DOK6: variants seen among roughly 807,000 people sequenced by gnomAD.
The protein encoded by DOK6 is downstream of tyrosine kinase 6.
In DOK6, 22 loss-of-function variants were observed where a neutral mutation model predicts 44.0. The observed-to-expected ratio is 0.50, with a 90% CI of 0.36 to 0.71. The LOEUF is 0.71. Ranked by LOEUF, DOK6 falls within the 30% of genes least tolerant of loss-of-function variation. The pLI is 0.00. For missense variants in DOK6, 340 were observed against 416.4 expected, an observed-to-expected ratio of 0.82 and a Z score of 1.60; for synonymous variants, 166 against 145.5, an observed-to-expected ratio of 1.14 and a Z score of -1.01.
rs770017828 is a variant in DOK6, at chr18:69,698,507, T to C, written c.513T>C (p.Asn171=). 6.2e-6 allele frequency: 10 copies of C among 1,614,122 alleles called. No homozygotes were observed. In the Admixed American group the frequency reaches 1.7e-4, roughly 27 times the overall value. ...HENIYLWDIH[N]AKVKLVMWPL... ...ATATCTATCTCTGGGATATCCACAA[T>C]GCCAAGGTCAAACTGGTGATGTGGC... Residue 171 remains asparagine, a synonymous_variant, in exon 5 of 8, where the codon AAT becomes AAC. Coordinates refer to ENST00000382713, the MANE Select transcript of DOK6 (RefSeq NM_152721.6).
At chr18:69,537,426 C>T (rs1032631004) in intron 1 of DOK6, among the ~76,000 whole-genome samples, 2 of 152,124 alleles carry the variant, frequency 1.3e-5, no homozygotes, top group Non-Finnish European at 2.9e-5. Context: ...TATTTGTATG[C>T]TGGTCTGCCC....
chr18:69,651,482 C>CTTTTT, intron 3 of DOK6, among the ~76,000 whole-genome samples: 1 of 116,932 alleles, frequency 8.6e-6, no homozygotes, highest in Non-Finnish European at 1.7e-5. Flanking sequence ...CCCCCCGCTC[C>CTTTTT]TTTTTTTTTT....
intron 3 of DOK6, among the ~76,000 whole-genome samples, chr18:69,656,799 T>C (rs1447339711): frequency 6.6e-6 from 1 of 152,190 alleles, no homozygotes; most frequent in Non-Finnish European, 1.5e-5. Context: ...AATTGATAAC[T>C]GCAGAAGAGT....
At chr18:69,750,373 A>C (rs995682364) in intron 6 of DOK6, among the ~76,000 whole-genome samples, 1 of 152,160 alleles carries the variant, frequency 6.6e-6, no homozygotes. Context: ...GAATTAAATA[A>C]AATACCACTT....
rs897174872 is a variant in DOK6, at chr18:69,566,308, TTG to T, written c.174+1718_174+1719del. Among the ~76,000 whole-genome samples the T allele has an allele frequency of 1.6e-3, 242 of 152,146 alleles. 2 individuals are homozygous for T. Among genetic ancestry groups the T allele is most frequent in the Non-Finnish European group, 2.9e-3 (194 of 67,994 alleles). ...CCCGCCACTGCACCCAGCTAATTTT[TTG>T]TGTTTTTAGTAGAGACGGGATTTCA... On this transcript the variant is annotated intron_variant, in intron 2 of 7. Transcript: ENST00000382713.
chr18:69,732,364 C>A, intron 5 of DOK6, among the ~76,000 whole-genome samples: 1 of 152,018 alleles, frequency 6.6e-6, no homozygotes, highest in Non-Finnish European at 1.5e-5. Context: ...AACATGTAAC[C>A]ATATAATAAG....
intron 5 of DOK6, among the ~76,000 whole-genome samples, chr18:69,738,046 A>G (rs2144736989): frequency 6.6e-6 from 1 of 152,324 alleles, no homozygotes; most frequent in South Asian, 2.1e-4. Flanking sequence ...TGTGAATTTT[A>G]TTAAGATCTC....
At chr18:69,783,123 C>T (rs1198764578) in intron 7 of DOK6, among the ~76,000 whole-genome samples, 1 of 152,210 alleles carries the variant, frequency 6.6e-6, no homozygotes, top group Non-Finnish European at 1.5e-5. Flanking sequence ...AAAGTACTCT[C>T]ACCCACCAGG....
At position 69,420,202 on chromosome 18, in the gene DOK6, A is replaced by C. The variant is rs146096617; in HGVS notation, c.66+18892A>C. Among the ~76,000 whole-genome samples the C allele has an allele frequency of 3.6e-3, 548 of 152,238 alleles. 4 individuals are homozygous for C. The highest frequency in any genetic ancestry group is 0.012 in the African/African-American group (501 of 41,564). On this transcript the variant is annotated intron_variant, in intron 1 of 7. Coordinates refer to ENST00000382713, the MANE Select transcript of DOK6 (RefSeq NM_152721.6). ...GTTTTAAAGGCTATCTAAATTAAAAAAAAATTAGTCCTGCATTGTCTTTAG... is the reference window on the plus strand; with the variant it reads ...GTTTTAAAGGCTATCTAAATTAAAACAAAATTAGTCCTGCATTGTCTTTAG...
At chr18:69,409,208 G>C (rs8095663) in intron 1 of DOK6, among the ~76,000 whole-genome samples, 2,264 of 152,250 alleles carry the variant, frequency 0.015, 28 homozygotes, top group Middle Eastern at 0.051. Context: ...ATGATTGTAA[G>C]TTCCCTGAGG....
At chr18:69,419,203 C>A (rs928817687) in intron 1 of DOK6, among the ~76,000 whole-genome samples, 4 of 152,098 alleles carry the variant, frequency 2.6e-5, no homozygotes, top group Non-Finnish European at 4.4e-5. Context: ...AAGTTCAATG[C>A]CTTTTCAATG....
chr18:69,506,992 A>G (rs1981208426), intron 1 of DOK6, among the ~76,000 whole-genome samples: 1 of 151,756 alleles, frequency 6.6e-6, no homozygotes, highest in South Asian at 2.1e-4. Flanking sequence ...TTTTGTCAAT[A>G]TTTACTTTCT....
intron 7 of DOK6, among the ~76,000 whole-genome samples, chr18:69,762,623 AAAC>A (rs1979596194): frequency 1.3e-5 from 2 of 152,350 alleles, no homozygotes; most frequent in African/African-American, 4.8e-5. Context: ...TACATTCAGA[AAAC>A]AAAAGCAGAA....
At chr18:69,726,673 A>G (rs1465865541) in intron 5 of DOK6, among the ~76,000 whole-genome samples, 5 of 146,950 alleles carry the variant, frequency 3.4e-5, no homozygotes, top group Admixed American at 1.4e-4. Flanking sequence ...GTGTGTGTGT[A>G]TATATACATA....
At chr18:69,519,232 A>T (rs936011167) in intron 1 of DOK6, among the ~76,000 whole-genome samples, 5 of 152,110 alleles carry the variant, frequency 3.3e-5, no homozygotes, top group African/African-American at 1.2e-4. Flanking sequence ...TGTTTTGAAC[A>T]TAATCACAAA....
Position 69,691,184 on chromosome 18 carries a change from AAAATAAATAAAT to A in DOK6, c.410-7184_410-7173del, listed in dbSNP as rs149335802. On this transcript the variant is annotated intron_variant, in intron 4 of 7. Transcript: ENST00000382713. ...GGCGACAAGAGCGAAACTCTGTCTCAAAATAAATAAATAAATAAATAAATAAATAAATAAATA... is the reference window on the plus strand; with the variant it reads ...GGCGACAAGAGCGAAACTCTGTCTCAAAATAAATAAATAAATAAATAAATA... Among the ~76,000 whole-genome samples, 212 of 140,448 alleles carry A rather than the reference AAAATAAATAAAT, an allele frequency of 1.5e-3. 1 individual carries two copies. The highest frequency in any genetic ancestry group is 1.9e-3 in the South Asian group (8 of 4,304). The allele number at this position is 140,448 out of a possible 152,430, so 92.1% of individuals were successfully genotyped here.
chr18:69,812,843 C>A (rs1981282742), intron 7 of DOK6, among the ~76,000 whole-genome samples: 1 of 151,944 alleles, frequency 6.6e-6, no homozygotes, highest in Non-Finnish European at 1.5e-5. Context: ...TGGGAGGAGA[C>A]CCTGACAAAA....
chr18:69,575,012 A>C lies in DOK6; in HGVS notation c.174+10418A>C, dbSNP rs371860910. On this transcript the variant is annotated intron_variant, in intron 2 of 7. Transcript: ENST00000382713. Reference sequence around the variant, plus strand: ...GTAGAATTAATTACTTAATGGATACAGTGTACACCCTTCAGGCCATGGTGA... The same window carrying C: ...GTAGAATTAATTACTTAATGGATACCGTGTACACCCTTCAGGCCATGGTGA... 5.7e-4 allele frequency among the ~76,000 whole-genome samples: 87 copies of C among 152,230 alleles called. No individual in the cohort carries two copies. The East Asian group carries it at 0.013, about 24-fold the overall frequency.
chr18:69,673,424 T>A (rs186577166), intron 3 of DOK6, among the ~76,000 whole-genome samples: 71 of 152,284 alleles, frequency 4.7e-4, no homozygotes, highest in African/African-American at 1.6e-3. Flanking sequence ...CCCCTTCAAA[T>A]CAGAATTAAA....
Sources: allele counts gnomAD v4.1 joint callset (sites outside exome capture counted in the v4.1 genomes callset), GRCh38; gene constraint gnomAD v4.1.1; transcripts MANE v1.5; gene names NCBI Gene and HGNC (gene_info 2026-07-23, HGNC 2026-07-21).